The following IL1RAPL1 variants were observed in gnomAD, a reference collection of about 807,000 sequenced individuals.
IL1RAPL1 encodes interleukin-1 receptor accessory protein-like 1.
Under a neutral mutation model 48.4 loss-of-function variants are expected in IL1RAPL1, and 3 were observed. The observed-to-expected ratio is 0.06, with a 90% confidence interval of 0.03 to 0.16. IL1RAPL1 has a LOEUF of 0.16. Ranked by LOEUF, IL1RAPL1 falls within the 10% of genes least tolerant of loss-of-function variation. The pLI, the probability that IL1RAPL1 is intolerant of heterozygous loss-of-function variation, is 1.00. For missense variants in IL1RAPL1, 349 were observed against 530.6 expected, an observed-to-expected ratio of 0.66 and a Z score of 3.36; for synonymous variants, 185 against 187.7, an observed-to-expected ratio of 0.99 and a Z score of 0.12.
intron 2 of IL1RAPL1, among the ~76,000 whole-genome samples, chrX:29,241,458 C>T (rs1484836410): frequency 9.0e-6 from 1 of 111,610 alleles, no homozygotes; most frequent in African/African-American, 3.3e-5. Flanking sequence ...CTGGATCATG[C>T]ACAGCTTCTG....
intron 2 of IL1RAPL1, among the ~76,000 whole-genome samples, chrX:29,103,081 T>G (rs1038380443): frequency 8.9e-6 from 1 of 111,830 alleles, no homozygotes; most frequent in Non-Finnish European, 1.9e-5. Context: ...GCAATTCCTA[T>G]CAAAATACCA....
At chrX:29,352,806 A>T (rs371282031) in intron 3 of IL1RAPL1, among the ~76,000 whole-genome samples, 11 of 111,343 alleles carry the variant, frequency 9.9e-5, no homozygotes, top group Non-Finnish European at 1.7e-4. Context: ...AAAAAAAAAT[A>T]ACCCAGTGTT....
chrX:28,747,716 A>G (rs2146956176), intron 1 of IL1RAPL1, among the ~76,000 whole-genome samples: 1 of 112,215 alleles, frequency 8.9e-6, no homozygotes, highest in African/African-American at 3.2e-5. Flanking sequence ...TTTGAGGATA[A>G]TGCATCTTTT....
chrX:28,805,925 C>T (rs1389358988), intron 2 of IL1RAPL1, among the ~76,000 whole-genome samples: 1 of 109,977 alleles, frequency 9.1e-6, no homozygotes, highest in Non-Finnish European at 1.9e-5. Flanking sequence ...AATCAGTACT[C>T]AGTACATCTT....
At chrX:28,649,683 C>A (rs1173521076) in intron 1 of IL1RAPL1, among the ~76,000 whole-genome samples, 1 of 112,267 alleles carries the variant, frequency 8.9e-6, no homozygotes, top group Non-Finnish European at 1.9e-5. Flanking sequence ...GCAGTTTTAT[C>A]CAAAGTCAGG....
At chrX:29,593,166 C>T (rs1487979822) in intron 5 of IL1RAPL1, among the ~76,000 whole-genome samples, 1 of 111,277 alleles carries the variant, frequency 9.0e-6, no homozygotes, top group Non-Finnish European at 1.9e-5. Flanking sequence ...TCGTATTAGC[C>T]TGAGTGTCTA....
chrX:28,941,625 G>A (rs912750036), intron 2 of IL1RAPL1, among the ~76,000 whole-genome samples: 18 of 111,044 alleles, frequency 1.6e-4, no homozygotes, highest in African/African-American at 5.5e-4. Flanking sequence ...GTTCTTCAAA[G>A]ATGCAAGCTT....
intron 2 of IL1RAPL1, among the ~76,000 whole-genome samples, chrX:28,859,069 A>T (rs1448301087): frequency 8.9e-6 from 1 of 112,198 alleles, no homozygotes; most frequent in African/African-American, 3.2e-5. Flanking sequence ...TTACTTACCC[A>T]TGTTTTCCAA....
At chrX:29,123,741 C>A (rs1434635668) in intron 2 of IL1RAPL1, among the ~76,000 whole-genome samples, 2 of 111,610 alleles carry the variant, frequency 1.8e-5, no homozygotes, top group African/African-American at 6.5e-5. Context: ...AATATGGTAG[C>A]CACTGGCCCC....
intron 5 of IL1RAPL1, among the ~76,000 whole-genome samples, chrX:29,488,266 C>T (rs895448161): frequency 5.4e-5 from 6 of 111,562 alleles, no homozygotes; most frequent in African/African-American, 1.3e-4. Flanking sequence ...GGTGAAACCC[C>T]GTCTCTACTA....
At chrX:29,399,132 A>G in intron 4 of IL1RAPL1, 23 bp from the exon 5 acceptor site, 1 of 1,174,186 alleles carries the variant, frequency 8.5e-7, no homozygotes. Context: ...ATGTACTACC[A>G]AAATTGTATG....
intron 2 of IL1RAPL1, among the ~76,000 whole-genome samples, chrX:28,936,917 T>C (rs1339095578): frequency 1.8e-5 from 2 of 111,632 alleles, no homozygotes; most frequent in African/African-American, 6.5e-5. Context: ...TTTCAAGACA[T>C]TCCTTCTCAG....
At chrX:28,857,615 CAT>C (rs1417631494) in intron 2 of IL1RAPL1, among the ~76,000 whole-genome samples, 1 of 111,357 alleles carries the variant, frequency 9.0e-6, no homozygotes, top group Non-Finnish European at 1.9e-5. Flanking sequence ...GATGACAGCA[CAT>C]GTGTTTATAG....
chrX:29,588,029 G>A (rs993123458), intron 5 of IL1RAPL1, among the ~76,000 whole-genome samples: 1 of 112,421 alleles, frequency 8.9e-6, no homozygotes, highest in African/African-American at 3.2e-5. Flanking sequence ...CTGAAATCTT[G>A]TGGCAATGCT....
chrX:29,195,862 A>G lies in IL1RAPL1; in HGVS notation c.83-87076A>G, dbSNP rs138767927. The stretch of plus-strand genomic sequence containing the variant: ...AGGCATGAGCCACTGCACCCGGCCT[A>G]TCTAACTTCTTAACCTAAATCCCTG... On this transcript the variant is annotated intron_variant, in intron 2 of 10. Coordinates refer to ENST00000378993, the MANE Select transcript of IL1RAPL1 (RefSeq NM_014271.4). Among the ~76,000 whole-genome samples the G allele has an allele frequency of 4.8e-3, 536 of 111,643 alleles. 2 individuals are homozygous for G. Among genetic ancestry groups the G allele is most frequent in the African/African-American group, 0.016 (495 of 30,780 alleles).
At chrX:29,208,785 TCTCAGAGTATAG>T (rs1186543595) in intron 2 of IL1RAPL1, among the ~76,000 whole-genome samples, 1 of 109,512 alleles carries the variant, frequency 9.1e-6, no homozygotes, top group Non-Finnish European at 1.9e-5. Flanking sequence ...CATTAGTACT[TCTCAGAGTATAG>T]GAAGAATACA....
chrX:29,557,822 T>A (rs962607870), intron 5 of IL1RAPL1, among the ~76,000 whole-genome samples: 5 of 111,591 alleles, frequency 4.5e-5, no homozygotes, highest in African/African-American at 6.5e-5. Flanking sequence ...TCCAGGTTAA[T>A]CTGTGTTGTC....
intron 1 of IL1RAPL1, among the ~76,000 whole-genome samples, chrX:28,788,266 C>G (rs1936493698): frequency 9.1e-6 from 1 of 110,329 alleles, no homozygotes; most frequent in Admixed American, 9.6e-5. Flanking sequence ...TAAACATATC[C>G]AACTTTGTGA....
chrX:29,819,930 T>C (rs16988774), intron 6 of IL1RAPL1, among the ~76,000 whole-genome samples: 1,074 of 104,099 alleles, frequency 0.01, 13 homozygotes, highest in African/African-American at 0.036. Flanking sequence ...TTCAAATGTG[T>C]CCACTAATAC....
Sources: allele counts gnomAD v4.1 joint callset (sites outside exome capture counted in the v4.1 genomes callset), GRCh38; gene constraint gnomAD v4.1.1; transcripts MANE v1.5; gene names NCBI Gene and HGNC (gene_info 2026-07-23, HGNC 2026-07-21).